PLA2R1: variants seen among roughly 807,000 people sequenced by gnomAD.
The protein encoded by PLA2R1 is secretory phospholipase A2 receptor.
A neutral mutation model predicts 195.9 loss-of-function variants in PLA2R1; 158 were observed. The observed-to-expected ratio is 0.81, with a 90% CI of 0.71 to 0.92. PLA2R1 has a LOEUF of 0.92. PLA2R1 is among the 40% of genes least tolerant of loss of function. The pLI is 0.00. For synonymous variants in PLA2R1, 586 were observed against 598.2 expected, an observed-to-expected ratio of 0.98 and a Z score of 0.30; for missense variants, 1,626 against 1,764.6, an observed-to-expected ratio of 0.92 and a Z score of 1.41.
intron 20 of PLA2R1, among the ~76,000 whole-genome samples, chr2:159,961,727 C>T (rs528519584): frequency 1.3e-5 from 2 of 152,262 alleles, no homozygotes; most frequent in African/African-American, 2.4e-5. Flanking sequence ...TCACTGCCAC[C>T]ATTCCCATAG....
intron 27 of PLA2R1, chr2:159,945,963 G>A (rs1291270914): frequency 1.1e-6 from 1 of 951,232 alleles, no homozygotes; most frequent in Non-Finnish European, 1.3e-6. Context: ...AACTAATCGA[G>A]TAAAGAAAAA....
intron 1 of PLA2R1, among the ~76,000 whole-genome samples, chr2:160,053,942 G>T (rs1226697142): frequency 6.6e-6 from 1 of 152,248 alleles, no homozygotes; most frequent in African/African-American, 2.4e-5. Context: ...ACCCTAAGTG[G>T]AAGGAAGGCC....
rs2105277803 is a variant in PLA2R1, at chr2:159,977,422, G to C, written c.2269-6C>G. On this transcript the variant is annotated splice_region_variant and splice_polypyrimidine_tract_variant and intron_variant, in intron 14 of 29. Transcript: ENST00000283243. ...TCTAAAAACGAAGAGACAACCTGCA[G>C]CAGATGAAGTTCATTATTCCTTAAT... 1 of 1,612,444 alleles carries C rather than the reference G, an allele frequency of 6.2e-7. No homozygotes were observed. Among genetic ancestry groups the C allele is most frequent in the East Asian group, 2.2e-5 (1 of 44,788 alleles).
In PLA2R1 at chr2:160,062,362, C is replaced by G; in HGVS notation, c.42G>C (p.Gly14=). Residue 14 remains glycine (G), a synonymous_variant, in exon 1 of 30, where the codon GGG becomes GGC. Transcript: ENST00000283243. The part of the protein sequence containing the change: ...SPSLLLLLLL[G]APRGCAEGVA... The stretch of plus-strand genomic sequence containing the variant: ...CACCCTCGGCGCAGCCCCGCGGCGC[C>G]CCCAGCAGCAGCAGCAGCAGCAGCG... 6.5e-7 allele frequency: 1 copy of G among 1,538,034 alleles called. No individual in the cohort carries two copies. Among genetic ancestry groups the G allele is most frequent in the Non-Finnish European group, 8.8e-7 (1 of 1,141,754 alleles).
chr2:159,967,672 C>T lies in PLA2R1; in HGVS notation c.2771G>A (p.Trp924Ter). 1 of 1,613,502 alleles carries T rather than the reference C, an allele frequency of 6.2e-7. No homozygotes were observed. Among genetic ancestry groups the T allele is most frequent in the Non-Finnish European group, 8.5e-7 (1 of 1,179,678 alleles). ...CGFISSITGL[W>*]GSEECSVSMP... ...AGAAACTGAACACTCTTCACTACCC[C>T]AGAGTCCTGGAGGAGAAAATGGGTT... The change falls in exon 20 of 30, where the codon TGG becomes TAG. Residue 924 changes from tryptophan (W) to a stop codon, truncating the protein, a stop_gained. Coordinates refer to ENST00000283243, the MANE Select transcript of PLA2R1 (RefSeq NM_007366.5). LOFTEE classifies it high-confidence loss of function.
chr2:160,048,879 C>T (rs987558989), intron 1 of PLA2R1, among the ~76,000 whole-genome samples: 2 of 138,516 alleles, frequency 1.4e-5, no homozygotes, highest in East Asian at 4.4e-4. Flanking sequence ...CTCGCTCTGT[C>T]ACCCAGGCTG....
At chr2:159,946,461 TAACATTTAGA>T (rs1199992505) in intron 27 of PLA2R1, 4 of 1,009,198 alleles carry the variant, frequency 4.0e-6, no homozygotes, top group East Asian at 1.0e-4. Flanking sequence ...TGTGCTTTTA[TAACATTTAGA>T]AACCTGGGAT....
intron 19 of PLA2R1, among the ~76,000 whole-genome samples, chr2:159,968,456 G>A (rs1294424947): frequency 6.6e-6 from 1 of 152,186 alleles, no homozygotes; most frequent in Non-Finnish European, 1.5e-5. Context: ...TATTCTCCCA[G>A]ACGCTCAAAA....
intron 17 of PLA2R1, among the ~76,000 whole-genome samples, chr2:159,975,282 A>G (rs957825551): frequency 1.3e-5 from 2 of 152,208 alleles, no homozygotes; most frequent in Non-Finnish European, 1.5e-5. Flanking sequence ...TGTATCTCAT[A>G]CATTTTTGCA....
chr2:160,032,638 A>C (rs554517947), intron 4 of PLA2R1, among the ~76,000 whole-genome samples: 1 of 152,334 alleles, frequency 6.6e-6, no homozygotes, highest in Admixed American at 6.5e-5. Context: ...AATGGCTAAG[A>C]TCTCCAGAAG....
At chr2:160,049,457 A>G (rs1225110003) in intron 1 of PLA2R1, among the ~76,000 whole-genome samples, 1 of 152,228 alleles carries the variant, frequency 6.6e-6, no homozygotes, top group Non-Finnish European at 1.5e-5. Flanking sequence ...TTATTTGCCT[A>G]AATATCTGTT....
At chr2:160,016,003 GC>G (rs1692717168) in intron 9 of PLA2R1, among the ~76,000 whole-genome samples, 1 of 152,210 alleles carries the variant, frequency 6.6e-6, no homozygotes, top group African/African-American at 2.4e-5. Context: ...AGTGGCTGAA[GC>G]CTGTAATCCC....
intron 23 of PLA2R1, 133 bp from the exon 24 acceptor site, chr2:159,951,711 A>C (rs1307288213): frequency 3.1e-6 from 2 of 636,936 alleles, no homozygotes; most frequent in Non-Finnish European, 5.7e-6. Context: ...ACTGTTTCAA[A>C]ACAAGAACAC....
At chr2:159,931,967 G>C (rs568384093), downstream of PLA2R1, 6 of 152,244 alleles carry the variant, frequency 3.9e-5, no homozygotes, top group South Asian at 1.2e-3. Flanking sequence ...GACCAACTAA[G>C]TCAGATAAGA....
At chr2:160,022,607 A>G in intron 7 of PLA2R1, 58 bp downstream of exon 7, 1 of 962,594 alleles carries the variant, frequency 1.0e-6, no homozygotes, top group Non-Finnish European at 1.5e-6. Flanking sequence ...CTCCACTAAT[A>G]AAAGTAGTTA....
At chr2:159,990,184 A>C (rs966829648) in intron 11 of PLA2R1, among the ~76,000 whole-genome samples, 1 of 152,166 alleles carries the variant, frequency 6.6e-6, no homozygotes, top group African/African-American at 2.4e-5. Context: ...AGGGTGTGGG[A>C]AAGAGCAGAG....
At position 159,956,601 on chromosome 2, in the gene PLA2R1, G is replaced by A. The variant is rs373950317; in HGVS notation, c.2931C>T (p.Asp977=). The part of the protein sequence containing the change: ...YKCLLLNIPK[D]PSSWKNWTHA... ...GCGTCCAGTTCTTCCAACTGCTTGG[G>A]TCTTTGGGGATATTCAGCAGAAGGC... is the stretch of plus-strand genomic sequence containing the variant. The change falls in exon 21 of 30, where the codon GAC becomes GAT. Residue 977 remains aspartate, a synonymous_variant. Coordinates refer to ENST00000283243, the MANE Select transcript of PLA2R1 (RefSeq NM_007366.5). The A allele has an allele frequency of 2.0e-5, 32 of 1,611,114 alleles. No homozygotes were observed. In the African/African-American group the frequency reaches 4.3e-4, roughly 22 times the overall value.
chr2:159,983,790 T>C, intron 13 of PLA2R1, 138 bp downstream of exon 13: 1 of 522,478 alleles, frequency 1.9e-6, no homozygotes, highest in Non-Finnish European at 3.4e-6. Flanking sequence ...AAACTATATG[T>C]ATATTTATTT....
chr2:160,042,943 TG>T (rs1352957838), intron 2 of PLA2R1, among the ~76,000 whole-genome samples: 3 of 151,386 alleles, frequency 2.0e-5, no homozygotes, highest in Non-Finnish European at 4.4e-5. Context: ...GGATGGGCAG[TG>T]AAAGACCTCT....
Sources: gnomAD v4.1 joint callset for allele counts (sites outside exome capture counted in the v4.1 genomes callset) on GRCh38, gnomAD v4.1.1 for gene constraint, MANE v1.5 for transcripts, NCBI Gene and HGNC (gene_info 2026-07-23, HGNC 2026-07-21) for gene names.